The following UBA2 variants were observed in gnomAD, a reference collection of about 807,000 sequenced individuals.
UBA2 encodes the protein ubiquitin like modifier activating enzyme 2, also known as SUMO-activating enzyme subunit 2.
Under a neutral mutation model 77.2 loss-of-function variants are expected in UBA2, and 11 were observed. The observed-to-expected ratio is 0.14, with a 90% CI of 0.09 to 0.24. The LOEUF is 0.24. Ranked by LOEUF, UBA2 falls within the 10% of genes least tolerant of loss-of-function variation. The pLI is 1.00. For synonymous variants in UBA2, 278 were observed against 276.7 expected, an observed-to-expected ratio of 1.00 and a Z score of -0.05; for missense variants, 487 against 781.7, an observed-to-expected ratio of 0.62 and a Z score of 4.50.
intron 6 of UBA2, among the ~76,000 whole-genome samples, chr19:34,443,053 CT>C (rs1368161114): frequency 1.3e-5 from 2 of 152,184 alleles, no homozygotes; most frequent in African/African-American, 4.8e-5. Flanking sequence ...CAGCTTAATA[CT>C]TTCAAATTGT....
chr19:34,428,441 G>A lies in UBA2; in HGVS notation c.9G>A (p.Leu3=), dbSNP rs368357335. Reference sequence around the variant, plus strand: ...CTCGTGGTTGTCCCGCCATGGCACTGTCGCGGGGGCTGCCCCGGGAGCTGG... The same window carrying A: ...CTCGTGGTTGTCCCGCCATGGCACTATCGCGGGGGCTGCCCCGGGAGCTGG... The part of the protein sequence containing the change: MA[L]SRGLPRELAE... The change falls in exon 1 of 17, where the codon CTG becomes CTA. Residue 3 remains leucine (L), a synonymous_variant. Coordinates refer to ENST00000246548, the MANE Select transcript of UBA2 (RefSeq NM_005499.3). 5.5e-6 allele frequency: 7 copies of A among 1,272,488 alleles called. No homozygotes were observed. In the East Asian group the frequency reaches 1.5e-4, roughly 27 times the overall value. 78.8% of individuals were successfully genotyped at this position (1,272,488 alleles called of 1,614,324 possible).
rs2075292704 is a variant in UBA2 at position 34,434,902 on chromosome 19, A to G, written c.393A>G (p.Ala131=). The change falls in exon 5 of 17, where the codon GCA becomes GCG. Residue 131 remains alanine, a synonymous_variant. Transcript: ENST00000246548. The part of the protein sequence containing the change: ...ARNHVNRMCL[A]ADVPLIESGT... ...ACCATGTTAATAGAATGTGCCTGGC[A>G]GCTGATGTTCCTCTTATTGAAAGTG... 6.2e-7 allele frequency: 1 copy of G among 1,609,020 alleles called. No homozygotes were observed. The highest frequency in any genetic ancestry group is 1.3e-5 in the African/African-American group (1 of 74,848).
intron 16 of UBA2, among the ~76,000 whole-genome samples, chr19:34,468,292 G>A (rs1397082252): frequency 6.6e-6 from 1 of 152,138 alleles, no homozygotes; most frequent in Non-Finnish European, 1.5e-5. Flanking sequence ...ATTATGGCCT[G>A]GGTCATTGGT....
intron 8 of UBA2, among the ~76,000 whole-genome samples, chr19:34,445,435 C>CTTT (rs67809236): frequency 1.4e-5 from 1 of 73,094 alleles, no homozygotes; most frequent in African/African-American, 5.1e-5. Flanking sequence ...CTCATCTTCA[C>CTTT]TTTTTTTTTT....
At chr19:34,458,670 T>G (rs899370990) in intron 12 of UBA2, 99 bp from the exon 13 acceptor site, 1 of 1,089,550 alleles carries the variant, frequency 9.2e-7, no homozygotes, top group African/African-American at 1.6e-5. Flanking sequence ...AATTTTTAAG[T>G]CATTTTTTAT....
intron 12 of UBA2, among the ~76,000 whole-genome samples, chr19:34,455,501 A>T (rs1213557378): frequency 1.3e-5 from 2 of 152,114 alleles, no homozygotes; most frequent in African/African-American, 2.4e-5. Flanking sequence ...AAGGCTTCCT[A>T]GGAAATACTA....
At chr19:34,462,694 A>G (rs926710937) in intron 14 of UBA2, among the ~76,000 whole-genome samples, 7 of 152,186 alleles carry the variant, frequency 4.6e-5, no homozygotes, top group Admixed American at 3.9e-4. Context: ...GGCTTGGTGC[A>G]CTGGCTCACA....
At chr19:34,452,175 C>CTTACATGT in intron 10 of UBA2, 28 bp downstream of exon 10, 1 of 1,529,050 alleles carries the variant, frequency 6.5e-7, no homozygotes, top group South Asian at 1.3e-5. Context: ...GTGGCAAGTA[C>CTTACATGT]TTACATGTCA....
chr19:34,437,728 T>C (rs1322009170), intron 5 of UBA2, among the ~76,000 whole-genome samples: 2 of 152,100 alleles, frequency 1.3e-5, no homozygotes, highest in Non-Finnish European at 2.9e-5. Context: ...AGGCATAAAT[T>C]CCTTAAATTG....
intron 12 of UBA2, 50 bp from the exon 13 acceptor site, chr19:34,458,719 A>G: frequency 6.5e-7 from 1 of 1,543,072 alleles, no homozygotes; most frequent in East Asian, 2.3e-5. Flanking sequence ...TGTATGGCGT[A>G]TAAAATTACA....
At chr19:34,445,261 G>A (rs1196288378) in intron 8 of UBA2, 140 bp downstream of exon 8, 2 of 800,250 alleles carry the variant, frequency 2.5e-6, no homozygotes, top group Admixed American at 6.5e-5. Flanking sequence ...CTAATAAAAT[G>A]ATTGATGCAG....
intron 12 of UBA2, among the ~76,000 whole-genome samples, chr19:34,458,554 G>T (rs561743813): frequency 1.9e-5 from 1 of 51,968 alleles, no homozygotes; most frequent in African/African-American, 9.2e-5. Flanking sequence ...GCAAGACTCC[G>T]TCTCAAAAAA....
At chr19:34,439,398 T>C (rs573768463) in intron 6 of UBA2, among the ~76,000 whole-genome samples, 1 of 152,348 alleles carries the variant, frequency 6.6e-6, no homozygotes, top group East Asian at 1.9e-4. Context: ...ATGAAAATGC[T>C]ATACCAGAAT....
chr19:34,443,060 ATTGT>A (rs1376697160), intron 6 of UBA2, among the ~76,000 whole-genome samples: 1 of 152,158 alleles, frequency 6.6e-6, no homozygotes, highest in South Asian at 2.1e-4. Flanking sequence ...ATACTTTCAA[ATTGT>A]TTGTTAACAC....
In UBA2 at chr19:34,444,057, T is replaced by G. The variant is rs1042223146; in HGVS notation, c.649+146T>G. 1.6e-3 allele frequency: 725 copies of G among 463,444 alleles called. 5 individuals carry two copies. Among genetic ancestry groups the G allele is most frequent in the Admixed American group, 3.0e-3 (77 of 25,698 alleles). The allele number at this position is 463,444 out of a possible 1,614,324, so 28.7% of individuals were successfully genotyped here. On this transcript the variant is annotated intron_variant, in intron 7 of 16. Transcript: ENST00000246548. Reference sequence around the variant, plus strand: ...TGTTTTTTTTTTGTTTTTTTTTTTTTTTTTTTTTTTTGTCTCAGAGGTGGA... The same window carrying G: ...TGTTTTTTTTTTGTTTTTTTTTTTTGTTTTTTTTTTTGTCTCAGAGGTGGA...
intron 1 of UBA2, among the ~76,000 whole-genome samples, chr19:34,429,669 C>G (rs1423555655): frequency 2.6e-5 from 4 of 151,858 alleles, no homozygotes; most frequent in African/African-American, 9.7e-5. Flanking sequence ...GAAACCCCGT[C>G]TCTACAAAAA....
At chr19:34,432,590 G>A (rs148121653) in intron 3 of UBA2, among the ~76,000 whole-genome samples, 7 of 151,920 alleles carry the variant, frequency 4.6e-5, no homozygotes, top group East Asian at 1.9e-4. Flanking sequence ...AGGGTTTTGC[G>A]CTTATTGCCC....
chr19:34,447,166 T>C (rs1211418930), intron 8 of UBA2, among the ~76,000 whole-genome samples: 4 of 152,142 alleles, frequency 2.6e-5, no homozygotes, highest in Middle Eastern at 3.2e-3. Flanking sequence ...GCATCCAACA[T>C]GGGAGAAAGA....
intron 14 of UBA2, 77 bp from the exon 15 acceptor site, chr19:34,463,949 G>A (rs1376130804): frequency 9.7e-7 from 1 of 1,031,830 alleles, no homozygotes; most frequent in Non-Finnish European, 1.5e-6. Context: ...CATAACAGAG[G>A]TTTAGCTTTT....
Sources: allele counts gnomAD v4.1 joint callset (sites outside exome capture counted in the v4.1 genomes callset), GRCh38; gene constraint gnomAD v4.1.1; transcripts MANE v1.5; gene names NCBI Gene and HGNC (gene_info 2026-07-23, HGNC 2026-07-21).